Variants in SYN3 observed in about 807,000 individuals in gnomAD.
SYN3 encodes the protein synapsin-3.
SYN3 carries 35 observed loss-of-function variants against 65.8 expected under a neutral mutation model. The observed-to-expected ratio is 0.53, with a 90% CI of 0.41 to 0.70. The LOEUF (loss-of-function observed/expected upper bound fraction) is 0.70, where lower values mean the gene tolerates loss of function less well. SYN3 is among the 30% of genes least tolerant of loss of function. SYN3 has a pLI of 0.00. For synonymous variants in SYN3, 270 were observed against 292.9 expected, an observed-to-expected ratio of 0.92 and a Z score of 0.80; for missense variants, 680 against 749.0, an observed-to-expected ratio of 0.91 and a Z score of 1.08.
intron 6 of SYN3, among the ~76,000 whole-genome samples, chr22:32,622,017 C>T (rs539828281): frequency 1.3e-5 from 2 of 152,030 alleles, no homozygotes; most frequent in Admixed American, 1.3e-4. Flanking sequence ...CTCATTTCCT[C>T]CCCTACAGGA....
chr22:32,704,594 T>C (rs1227366661), intron 6 of SYN3, among the ~76,000 whole-genome samples: 1 of 152,230 alleles, frequency 6.6e-6, no homozygotes, highest in Admixed American at 6.5e-5. Flanking sequence ...ATAATGGGAT[T>C]GTGGGGTCAA....
intron 6 of SYN3, among the ~76,000 whole-genome samples, chr22:32,740,284 G>A (rs2061388198): frequency 6.6e-6 from 1 of 152,194 alleles, no homozygotes; most frequent in South Asian, 2.1e-4. Flanking sequence ...CCCGAGAGGT[G>A]CAATGTGGAA....
At chr22:32,987,599 T>C (rs2052565651) in intron 2 of SYN3, among the ~76,000 whole-genome samples, 1 of 152,190 alleles carries the variant, frequency 6.6e-6, no homozygotes, top group African/African-American at 2.4e-5. Context: ...TGAGACTCCC[T>C]ATGCCTGTAT....
chr22:32,928,711 C>G (rs2146680705), intron 4 of SYN3, among the ~76,000 whole-genome samples: 1 of 152,242 alleles, frequency 6.6e-6, no homozygotes, highest in South Asian at 2.1e-4. Context: ...GGTTTGGTAT[C>G]TTTCCAAAAC....
At chr22:32,557,568 G>T (rs924541412) in intron 7 of SYN3, among the ~76,000 whole-genome samples, 2 of 152,154 alleles carry the variant, frequency 1.3e-5, no homozygotes, top group African/African-American at 4.8e-5. Flanking sequence ...TGAGCCTCTG[G>T]CCATGACGTA....
chr22:32,888,944 G>T (rs2049367675), intron 4 of SYN3, among the ~76,000 whole-genome samples: 1 of 152,222 alleles, frequency 6.6e-6, no homozygotes, highest in Non-Finnish European at 1.5e-5. Flanking sequence ...TTCTGCCTTA[G>T]CCACATTGAG....
intron 4 of SYN3, among the ~76,000 whole-genome samples, chr22:32,912,145 A>G (rs1180765790): frequency 6.6e-6 from 1 of 152,224 alleles, no homozygotes; most frequent in African/African-American, 2.4e-5. Context: ...GGAGCTATAC[A>G]TATAGTTCCT....
intron 6 of SYN3, among the ~76,000 whole-genome samples, chr22:32,623,367 T>C (rs1377749730): frequency 6.6e-6 from 1 of 152,094 alleles, no homozygotes; most frequent in East Asian, 1.9e-4. Flanking sequence ...TATTTTATGT[T>C]TTATTTTTTG....
chr22:32,629,171 G>C (rs2059712316), intron 6 of SYN3, among the ~76,000 whole-genome samples: 1 of 152,152 alleles, frequency 6.6e-6, no homozygotes, highest in African/African-American at 2.4e-5. Flanking sequence ...ATTTGAGCGT[G>C]GGATCTGGGT....
chr22:32,590,577 T>C (rs972935444), intron 7 of SYN3, among the ~76,000 whole-genome samples: 10 of 152,242 alleles, frequency 6.6e-5, no homozygotes, highest in African/African-American at 2.4e-4. Context: ...TAGTAGACAA[T>C]ATCAAGCTAT....
At chr22:33,030,784 T>C (rs1424914470) in intron 1 of SYN3, among the ~76,000 whole-genome samples, 1 of 146,426 alleles carries the variant, frequency 6.8e-6, no homozygotes, top group Non-Finnish European at 1.5e-5. Flanking sequence ...TAGAGACAGA[T>C]AGACAGAAAC....
intron 6 of SYN3, among the ~76,000 whole-genome samples, chr22:32,759,092 C>T (rs547467049): frequency 1.3e-5 from 2 of 152,156 alleles, no homozygotes; most frequent in South Asian, 2.1e-4. Flanking sequence ...TTCTTTAAGC[C>T]CTGTATTCAG....
intron 12 of SYN3, among the ~76,000 whole-genome samples, chr22:32,521,017 A>G (rs750848824): frequency 2.0e-5 from 3 of 152,232 alleles, no homozygotes; most frequent in Non-Finnish European, 4.4e-5. Flanking sequence ...GCATCTGATT[A>G]TATTACATGG....
intron 13 of SYN3, among the ~76,000 whole-genome samples, chr22:32,516,388 G>A (rs1223393270): frequency 7.0e-6 from 1 of 143,668 alleles, no homozygotes; most frequent in East Asian, 1.9e-4. Context: ...TATTGAGATG[G>A]AGTCTCACTT....
At chr22:32,628,079 A>C (rs2059695163) in intron 6 of SYN3, among the ~76,000 whole-genome samples, 1 of 151,966 alleles carries the variant, frequency 6.6e-6, no homozygotes. Context: ...CCGCCCGCCA[A>C]ATCCCAAAGT....
chr22:32,644,629 T>C (rs947975595), intron 6 of SYN3, among the ~76,000 whole-genome samples: 10 of 152,128 alleles, frequency 6.6e-5, no homozygotes, highest in African/African-American at 2.4e-4. Context: ...GGGCAGGTTA[T>C]TTTCGTTTTT....
intron 7 of SYN3, 30 bp from the exon 8 acceptor site, chr22:32,541,743 C>T (rs771757179): frequency 6.2e-7 from 1 of 1,607,288 alleles, no homozygotes; most frequent in Non-Finnish European, 8.5e-7. Context: ...GGATGAGTGC[C>T]ACCCACCCCG....
At chr22:32,960,628 T>C (rs1163923949) in intron 3 of SYN3, among the ~76,000 whole-genome samples, 1 of 152,178 alleles carries the variant, frequency 6.6e-6, no homozygotes, top group Non-Finnish European at 1.5e-5. Context: ...AAATCCTGGT[T>C]ATGTTTAAGA....
intron 6 of SYN3, among the ~76,000 whole-genome samples, chr22:32,825,595 T>C (rs1209024146): frequency 7.9e-6 from 1 of 126,256 alleles, no homozygotes; most frequent in African/African-American, 3.1e-5. Context: ...AAGGCAGAGG[T>C]TGCAGTGAGC....
Sources: allele counts gnomAD v4.1 joint callset (sites outside exome capture counted in the v4.1 genomes callset), GRCh38; gene constraint gnomAD v4.1.1; transcripts MANE v1.5; gene names NCBI Gene and HGNC (gene_info 2026-07-23, HGNC 2026-07-21).